The following UNKL variants were observed in gnomAD, a reference collection of about 807,000 sequenced individuals.
The protein encoded by UNKL is putative E3 ubiquitin-protein ligase UNKL.
Under a neutral mutation model 78.0 loss-of-function variants are expected in UNKL, and 60 were observed. The ratio of observed to expected loss-of-function variants is 0.77; its 90% confidence interval spans 0.63 to 0.95. UNKL has a LOEUF of 0.95. Ranked by LOEUF, UNKL falls within the 40% of genes least tolerant of loss-of-function variation. The probability of loss-of-function intolerance (pLI) is 0.00; values close to 1 mark genes in which losing one functional copy is unlikely to be tolerated. For missense variants in UNKL, 1,159 were observed against 1,045.7 expected (o/e 1.11, Z -1.49); for synonymous variants, 608 against 474.8 (o/e 1.28, Z -3.65).
At chr16:1,368,718 T>C (rs558786032) in intron 12 of UNKL, among the ~76,000 whole-genome samples, 2 of 142,790 alleles carry the variant, frequency 1.4e-5, no homozygotes, top group African/African-American at 5.2e-5. Flanking sequence ...ATGGCCAACA[T>C]GGTGAAACTC....
chr16:1,399,569 A>G lies in UNKL; in HGVS notation c.599-60T>C. The G allele has an allele frequency of 6.5e-7, 1 of 1,547,258 alleles. No individual in the cohort carries two copies. The highest frequency in any genetic ancestry group is 8.7e-7 in the Non-Finnish European group (1 of 1,150,146). On this transcript the variant is annotated intron_variant, in intron 4 of 14. Transcript: ENST00000389221. The surrounding 1 kb of genome is among the most constrained non-coding windows in gnomAD (Gnocchi z 5.8). ...GACTGGAAGCAATGCTGGGCAGAGGAGACCAAAGGTGGAAGGACCTGGCTG... is the reference window on the plus strand; with the variant it reads ...GACTGGAAGCAATGCTGGGCAGAGGGGACCAAAGGTGGAAGGACCTGGCTG...
At chr16:1,395,878 T>G in intron 6 of UNKL, 1 of 417,988 alleles carries the variant, frequency 2.4e-6, no homozygotes, top group Non-Finnish European at 5.0e-6. Context: ...TGTGACAACA[T>G]GAGTCAAGAA....
Position 1,367,340 on chromosome 16 carries a change from C to T in UNKL, c.1798G>A (p.Ala600Thr), listed in dbSNP as rs2035361539. 1.3e-6 allele frequency: 2 copies of T among 1,542,376 alleles called. No homozygotes were observed. Among genetic ancestry groups the T allele is most frequent in the Non-Finnish European group, 1.7e-6 (2 of 1,148,678 alleles). Residue 600 changes from alanine (A) to threonine (T), a missense_variant, in exon 14 of 15, where the codon GCC (alanine) becomes ACC (threonine). Ala to Thr is a moderately conservative substitution (Grantham distance 58). Transcript: ENST00000389221. ...GCCTCCTGCGCCTCTCGCTGCCAGG[C>T]ATCGCAGACCTGAAACCCAGGGCCC... ...SWQQVKQVCD[A>T]WQREAQEAKE...
chr16:1,395,363 A>G (rs1290708864), intron 6 of UNKL, among the ~76,000 whole-genome samples: 2 of 148,166 alleles, frequency 1.3e-5, no homozygotes, highest in African/African-American at 2.5e-5. Context: ...AGACGGGTTC[A>G]CCATGTTGGC....
At chr16:1,404,308 C>T (rs2037656046) in intron 2 of UNKL, among the ~76,000 whole-genome samples, 1 of 152,212 alleles carries the variant, frequency 6.6e-6, no homozygotes, top group African/African-American at 2.4e-5. Context: ...GGGCCCCGCC[C>T]ACCTCACTGT....
At position 1,393,750 on chromosome 16, in the gene UNKL, G is replaced by A. The variant is rs540433355; in HGVS notation, c.937+381C>T. Among the ~76,000 whole-genome samples, 171 of 152,202 alleles carry A rather than the reference G, an allele frequency of 1.1e-3. 3 individuals are homozygous for A. The highest frequency in any genetic ancestry group is 3.3e-4 in the Admixed American group (5 of 15,286). The stretch of plus-strand genomic sequence containing the variant: ...TCCTGGGTGGGTGCCTGGCAAGATG[G>A]CAGTCTCGGAGCAAGGCCCAGGCAG... On this transcript the variant is annotated intron_variant, in intron 7 of 14. Coordinates refer to ENST00000389221, the MANE Select transcript of UNKL (RefSeq NM_001372107.1).
At chr16:1,380,424 T>TG (rs776954321) in intron 10 of UNKL, among the ~76,000 whole-genome samples, 1 of 152,134 alleles carries the variant, frequency 6.6e-6, no homozygotes, top group East Asian at 1.9e-4. Flanking sequence ...TCCCTGAGCC[T>TG]GGGGCGCAGG....
chr16:1,407,896 T>A (rs1733240656), intron 2 of UNKL, among the ~76,000 whole-genome samples: 1 of 152,084 alleles, frequency 6.6e-6, no homozygotes, highest in South Asian at 2.1e-4. Context: ...CACGTGTATT[T>A]TTTTTTCCCA....
chr16:1,399,693 G>A lies in UNKL; in HGVS notation c.599-184C>T, dbSNP rs575270721. On this transcript the variant is annotated intron_variant, in intron 4 of 14. Coordinates refer to ENST00000389221, the MANE Select transcript of UNKL (RefSeq NM_001372107.1). The surrounding 1 kb of genome is among the most constrained non-coding windows in gnomAD (Gnocchi z 5.8). Reference sequence around the variant, plus strand: ...GGACTCGCGCTCCATGAGGGAAGCCGGGCCAGAAGGCCACGTGGTGTGATT... The same window carrying A: ...GGACTCGCGCTCCATGAGGGAAGCCAGGCCAGAAGGCCACGTGGTGTGATT... 9.3e-5 allele frequency: 81 copies of A among 870,254 alleles called. No individual in the cohort carries two copies. The highest frequency in any genetic ancestry group is 7.5e-4 in the African/African-American group (43 of 57,330). 53.9% of individuals were successfully genotyped at this position (870,254 alleles called of 1,614,324 possible). A position where few individuals can be genotyped will look rare whatever the true frequency, so the allele number is the denominator to read the frequency against.
chr16:1,398,564 C>G (rs918986059), intron 5 of UNKL: 8 of 1,386,800 alleles, frequency 5.8e-6, no homozygotes, highest in Non-Finnish European at 6.5e-6. Context: ...GAGGCAGCAC[C>G]AGGTCATTCA....
chr16:1,406,798 T>G (rs1201165805), intron 2 of UNKL, among the ~76,000 whole-genome samples: 1 of 152,100 alleles, frequency 6.6e-6, no homozygotes, highest in Admixed American at 6.6e-5. Context: ...CCTAAGGCAT[T>G]CAACATTTTA....
chr16:1,381,622 C>A (rs528849089), intron 10 of UNKL, among the ~76,000 whole-genome samples: 2 of 152,136 alleles, frequency 1.3e-5, no homozygotes, highest in Non-Finnish European at 2.9e-5. Context: ...AAAAAAAGAA[C>A]CTGCTCAGAG....
At chr16:1,390,916 G>A (rs1164308451) in intron 8 of UNKL, among the ~76,000 whole-genome samples, 2 of 152,108 alleles carry the variant, frequency 1.3e-5, no homozygotes, top group Admixed American at 1.3e-4. Flanking sequence ...TGTAGTTTCA[G>A]CTCCTCGAGA....
chr16:1,401,343 C>G, intron 4 of UNKL: 1 of 456,026 alleles, frequency 2.2e-6, no homozygotes, highest in Non-Finnish European at 3.6e-6. Context: ...TGCCAGTTGC[C>G]GCAGAGATTC....
In UNKL at chr16:1,366,185, CAGG is replaced by C; in HGVS notation, c.*52_*54del. On this transcript the variant is annotated 3_prime_UTR_variant, in exon 15 of 15. Transcript: ENST00000389221. ...AAGCGAGTGACGACATGTCCGTGGT[CAGG>C]AGGAGCGCTGGAGCCAGGGTGCCCA... 1 of 1,436,034 alleles carries C rather than the reference CAGG, an allele frequency of 7.0e-7. No homozygotes were observed. The highest frequency in any genetic ancestry group is 9.2e-7 in the Non-Finnish European group (1 of 1,085,296). 89.0% of individuals were successfully genotyped at this position (1,436,034 alleles called of 1,614,324 possible). A position where few individuals can be genotyped will look rare whatever the true frequency, so the allele number is the denominator to read the frequency against.
chr16:1,386,336 T>G (rs2036811518), intron 9 of UNKL, among the ~76,000 whole-genome samples: 1 of 152,056 alleles, frequency 6.6e-6, no homozygotes, highest in African/African-American at 2.4e-5. Flanking sequence ...GCAGATCACC[T>G]GAGATCAGGA....
intron 8 of UNKL, among the ~76,000 whole-genome samples, chr16:1,391,264 ACACACACAC>A (rs1216193303): frequency 1.9e-3 from 6 of 3,156 alleles, no homozygotes; most frequent in Non-Finnish European, 3.5e-3. Flanking sequence ...ACACACACAC[ACACACACAC>A]ACACACACAC....
intron 10 of UNKL, among the ~76,000 whole-genome samples, chr16:1,382,107 G>A (rs1021303020): frequency 2.6e-5 from 4 of 152,208 alleles, no homozygotes; most frequent in Admixed American, 2.0e-4. Flanking sequence ...CAACATGTAC[G>A]CCCTAGTTTC....
chr16:1,384,963 C>G (rs1053522330), intron 10 of UNKL, among the ~76,000 whole-genome samples: 3 of 152,198 alleles, frequency 2.0e-5, no homozygotes, highest in Admixed American at 2.0e-4. Context: ...CTGCCTGGCT[C>G]CTGGGAGGCT....
Sources: allele counts gnomAD v4.1 joint callset (sites outside exome capture counted in the v4.1 genomes callset), GRCh38; gene constraint gnomAD v4.1.1; non-coding constraint Gnocchi (gnomAD v3.1); transcripts MANE v1.5; gene names NCBI Gene and HGNC (gene_info 2026-07-23, HGNC 2026-07-21).